The following VANGL1 variants were observed in gnomAD, a reference collection of about 807,000 sequenced individuals.
VANGL1 encodes VANGL planar cell polarity protein 1.
A neutral mutation model predicts 48.4 loss-of-function variants in VANGL1; 18 were observed. The observed-to-expected ratio is 0.37, with a 90% CI of 0.26 to 0.55. VANGL1 has a LOEUF of 0.55. Among genes scored for constraint, VANGL1 ranks in the 20% least tolerant of loss-of-function variants. The pLI is 0.81. For missense variants in VANGL1, 667 were observed against 675.8 expected, an observed-to-expected ratio of 0.99 and a Z score of 0.14; for synonymous variants, 257 against 261.8, an observed-to-expected ratio of 0.98 and a Z score of 0.18.
At position 115,695,897 on chromosome 1, in the gene VANGL1, C is replaced by T. The variant is rs1455594527; in HGVS notation, c.*4518C>T. 2 of 152,242 alleles carry T rather than the reference C, an allele frequency of 1.3e-5. No individual in the cohort carries two copies. The highest frequency in any genetic ancestry group is 2.1e-4 in the South Asian group (1 of 4,832). The allele number at this position is 152,242 out of a possible 1,614,324, so 9.4% of individuals were successfully genotyped here. A position where few individuals can be genotyped will look rare whatever the true frequency, so the allele number is the denominator to read the frequency against. On this transcript the variant is annotated 3_prime_UTR_variant, in exon 8 of 8. Transcript: ENST00000355485. ...TTGAGGAAGGACCTAGAGACACATC[C>T]TTGAACTAGAACCTGGGGTGAGAGT...
intron 4 of VANGL1, among the ~76,000 whole-genome samples, chr1:115,682,124 G>A (rs1653416629): frequency 6.6e-6 from 1 of 152,236 alleles, no homozygotes; most frequent in Non-Finnish European, 1.5e-5. Flanking sequence ...CAAAGGGCTA[G>A]ATGGGATGTG....
intron 4 of VANGL1, among the ~76,000 whole-genome samples, chr1:115,680,494 G>A (rs750444408): frequency 1.3e-5 from 2 of 152,176 alleles, no homozygotes; most frequent in Non-Finnish European, 2.9e-5. Flanking sequence ...GCTGTTAGGA[G>A]TCTTAGGTTT....
At chr1:115,665,203 C>T (rs1011832392) in intron 4 of VANGL1, among the ~76,000 whole-genome samples, 1 of 152,206 alleles carries the variant, frequency 6.6e-6, no homozygotes, top group Non-Finnish European at 1.5e-5. Flanking sequence ...AGGCCAGGGG[C>T]CACCCTTATA....
rs1652670247 is a variant in VANGL1 at position 115,663,953 on chromosome 1, G to T, written c.497G>T (p.Gly166Val). Residue 166 changes from glycine to valine, a missense_variant, in exon 4 of 8, where the codon GGG becomes GTG. By Grantham distance (109) the Gly-to-Val change is moderately radical (BLOSUM62 -3). Coordinates refer to ENST00000355485, the MANE Select transcript of VANGL1 (RefSeq NM_138959.3). ...MAFKLLILLI[G>V]TWALFFRKRR... ...TTCAAACTCCTCATTCTGCTCATAG[G>T]GACCTGGGCACTTTTTTTCCGCAAG... 6.2e-7 allele frequency: 1 copy of T among 1,614,066 alleles called. No homozygotes were observed. Among genetic ancestry groups the T allele is most frequent in the Non-Finnish European group, 8.5e-7 (1 of 1,180,048 alleles).
At chr1:115,683,913 A>ACTTT (rs1209775446) in intron 5 of VANGL1, 31 bp from the exon 6 acceptor site, 1 of 1,611,058 alleles carries the variant, frequency 6.2e-7, no homozygotes, top group African/African-American at 1.3e-5. Flanking sequence ...CGTGGTATTA[A>ACTTT]CACTATTCTT....
At chr1:115,654,498 TAAAAAAAAAAAAAAAA>T (rs869142756) in intron 2 of VANGL1, among the ~76,000 whole-genome samples, 1 of 90,822 alleles carries the variant, frequency 1.1e-5, no homozygotes, top group Non-Finnish European at 2.1e-5. Flanking sequence ...TTGGTAGGGC[TAAAAAAAAAAAAAAAA>T]AAAAAAAATT....
At chr1:115,664,338 C>T (rs1483041722) in intron 4 of VANGL1, 70 bp downstream of exon 4, 15 of 1,567,544 alleles carry the variant, frequency 9.6e-6, no homozygotes, top group Non-Finnish European at 1.3e-5. Context: ...CTCTGTAGCA[C>T]GTGAGGGGTG....
intron 4 of VANGL1, among the ~76,000 whole-genome samples, chr1:115,680,031 G>GTGTGT (rs1557773486): frequency 1.3e-4 from 19 of 144,054 alleles, no homozygotes; most frequent in East Asian, 1.3e-3. Flanking sequence ...GTATGTGAGA[G>GTGTGT]AGAGAGAGAG....
At chr1:115,683,404 C>A (rs2101028932) in intron 5 of VANGL1, among the ~76,000 whole-genome samples, 1 of 152,322 alleles carries the variant, frequency 6.6e-6, no homozygotes, top group South Asian at 2.1e-4. Flanking sequence ...TGCACACCCT[C>A]AAGCATTGGT....
Position 115,651,397 on chromosome 1 carries a change from G to C in VANGL1, c.-17G>C, listed in dbSNP as rs764348621. 1.2e-6 allele frequency: 2 copies of C among 1,612,866 alleles called. No homozygotes were observed. Among genetic ancestry groups the C allele is most frequent in the Non-Finnish European group, 1.7e-6 (2 of 1,179,288 alleles). On this transcript the variant is annotated 5_prime_UTR_variant, in exon 2 of 8. Coordinates refer to ENST00000355485, the MANE Select transcript of VANGL1 (RefSeq NM_138959.3). The stretch of plus-strand genomic sequence containing the variant: ...AACAGTACCTGCTCCTTCCTCAAGC[G>C]CAAGCCCTCCATTGCTATGGATACC...
intron 7 of VANGL1, among the ~76,000 whole-genome samples, chr1:115,686,462 A>C (rs1282503144): frequency 1.3e-5 from 2 of 151,882 alleles, no homozygotes; most frequent in Non-Finnish European, 2.9e-5. Context: ...TATTTAGGAC[A>C]CTTTAAGAAG....
chr1:115,688,308 G>A lies in VANGL1; in HGVS notation c.1314+2781G>A, dbSNP rs1290925818. 3.6e-5 allele frequency among the ~76,000 whole-genome samples: 5 copies of A among 138,040 alleles called. 2 individuals carry two copies. The highest frequency in any genetic ancestry group is 7.9e-5 in the Non-Finnish European group (5 of 63,308). The allele number at this position is 138,040 out of a possible 152,430, so 90.6% of individuals were successfully genotyped here. On this transcript the variant is annotated intron_variant, in intron 7 of 7. Coordinates refer to ENST00000355485, the MANE Select transcript of VANGL1 (RefSeq NM_138959.3). ...TGATTTATTCAACTGATTGTCTGTTGATGCACATTTGGATTAAGAGTTTTC... is the reference window on the plus strand; with the variant it reads ...TGATTTATTCAACTGATTGTCTGTTAATGCACATTTGGATTAAGAGTTTTC...
chr1:115,666,538 C>T (rs114714232), intron 4 of VANGL1, among the ~76,000 whole-genome samples: 154 of 152,308 alleles, frequency 1.0e-3, no homozygotes, highest in African/African-American at 3.6e-3. Context: ...GCAAACCTTT[C>T]AGTCTGCTCT....
At chr1:115,661,646 C>T (rs1652555474) in intron 3 of VANGL1, among the ~76,000 whole-genome samples, 1 of 151,978 alleles carries the variant, frequency 6.6e-6, no homozygotes, top group African/African-American at 2.4e-5. Flanking sequence ...GAGGCAGAGT[C>T]TTGTTCTGTC....
Position 115,691,168 on chromosome 1 carries a change from A to ATT in VANGL1, c.1364_1365insTT (p.Lys455AsnfsTer18). 1 of 1,614,050 alleles carries ATT rather than the reference A, an allele frequency of 6.2e-7. No individual in the cohort carries two copies. The highest frequency in any genetic ancestry group is 8.5e-7 in the Non-Finnish European group (1 of 1,180,002). On this transcript the variant is annotated frameshift_variant, in exon 8 of 8. Coordinates refer to ENST00000355485, the MANE Select transcript of VANGL1 (RefSeq NM_138959.3). LOFTEE classifies it high-confidence loss of function. ...GCGGGCCCCACCCTGCAATATGACAAGGACCGCTGGCTCTCTACACAGTGG... is the reference window on the plus strand; with the variant it reads ...GCGGGCCCCACCCTGCAATATGACAATTGGACCGCTGGCTCTCTACACAGTGG...
At chr1:115,646,814 A>C (rs1651959117) in intron 1 of VANGL1, among the ~76,000 whole-genome samples, 1 of 152,224 alleles carries the variant, frequency 6.6e-6, no homozygotes, top group African/African-American at 2.4e-5. Context: ...GTTGGATAGA[A>C]AGGAAGAGTA....
chr1:115,690,945 TA>T (rs1278183022), intron 7 of VANGL1, among the ~76,000 whole-genome samples, 173 bp from the exon 8 acceptor site: 1 of 152,216 alleles, frequency 6.6e-6, no homozygotes, highest in Non-Finnish European at 1.5e-5. Flanking sequence ...CCCTCCCCAG[TA>T]ATGACTCAGT....
chr1:115,662,934 G>A (rs1652618371), intron 3 of VANGL1, among the ~76,000 whole-genome samples: 2 of 152,048 alleles, frequency 1.3e-5, no homozygotes, highest in South Asian at 4.1e-4. Context: ...TTACAGGCAT[G>A]TGCCACCACG....
At position 115,664,213 on chromosome 1, in the gene VANGL1, C is replaced by G; in HGVS notation, c.757C>G (p.Gln253Glu). The stretch of plus-strand genomic sequence containing the variant: ...GCAGCTGCAGCCCATGTTCACGCTG[C>G]AGGTGGTCCGCTCCACCGATGGCGA... ...LRQLQPMFTL[Q>E]VVRSTDGESR... The change falls in exon 4 of 8, where the codon CAG (glutamine) becomes GAG (glutamate). Residue 253 changes from glutamine to glutamate, a missense_variant. By Grantham distance (29) the Gln-to-Glu change is conservative (BLOSUM62 2). Coordinates refer to ENST00000355485, the MANE Select transcript of VANGL1 (RefSeq NM_138959.3). The G allele has an allele frequency of 6.2e-7, 1 of 1,614,086 alleles. No individual in the cohort carries two copies. Among genetic ancestry groups the G allele is most frequent in the Non-Finnish European group, 8.5e-7 (1 of 1,179,982 alleles).
Sources: allele counts gnomAD v4.1 joint callset (sites outside exome capture counted in the v4.1 genomes callset), GRCh38; gene constraint gnomAD v4.1.1; transcripts MANE v1.5; gene names NCBI Gene and HGNC (gene_info 2026-07-23, HGNC 2026-07-21).